Variants in DLGAP2 observed in about 807,000 individuals in gnomAD.
DLGAP2 encodes the protein DLG associated protein 2.
DLGAP2 carries 26 observed loss-of-function variants against 100.3 expected under a neutral mutation model. That is an observed-to-expected ratio of 0.26 (90% CI 0.19 to 0.36). DLGAP2 has a LOEUF of 0.36. DLGAP2 is among the 10% of genes least tolerant of loss of function. The pLI is 1.00. For synonymous variants in DLGAP2, 886 were observed against 630.1 expected (o/e 1.41, Z -6.08); for missense variants, 1,858 against 1,453.2 (o/e 1.28, Z -4.53).
chr8:1,025,956 G>A (rs1024790955), intron 2 of DLGAP2, among the ~76,000 whole-genome samples: 1 of 152,212 alleles, frequency 6.6e-6, no homozygotes, highest in African/African-American at 2.4e-5. Flanking sequence ...CACCTGGGAC[G>A]CACATCTGGG....
intron 13 of DLGAP2, among the ~76,000 whole-genome samples, chr8:1,693,627 C>G (rs780659820): frequency 1.0e-3 from 158 of 152,234 alleles, no homozygotes; most frequent in Non-Finnish European, 5.1e-4. Context: ...TCTTACACAT[C>G]AAAGGATGCA....
At chr8:956,678 C>T (rs1377677826) in intron 2 of DLGAP2, among the ~76,000 whole-genome samples, 4 of 152,214 alleles carry the variant, frequency 2.6e-5, no homozygotes, top group Non-Finnish European at 5.9e-5. Context: ...CATGTGATGG[C>T]AAAATAGCCA....
intron 3 of DLGAP2, among the ~76,000 whole-genome samples, chr8:1,387,349 A>G (rs1796243538): frequency 6.6e-6 from 1 of 152,226 alleles, no homozygotes; most frequent in African/African-American, 2.4e-5. Flanking sequence ...AAATAAAAGA[A>G]TGGAATAAGT....
intron 3 of DLGAP2, among the ~76,000 whole-genome samples, chr8:1,496,045 C>A (rs9918829): frequency 0.013 from 1,916 of 152,274 alleles, 43 homozygotes; most frequent in African/African-American, 0.044. Flanking sequence ...GAAACACAAG[C>A]CTGCCTGATA....
At chr8:771,668 T>A (rs1277615417) in intron 1 of DLGAP2, among the ~76,000 whole-genome samples, 16 of 152,236 alleles carry the variant, frequency 1.1e-4, no homozygotes, top group Admixed American at 1.0e-3. Context: ...CAGAGACGCA[T>A]TGAACACGAC....
At chr8:1,339,500 C>T (rs949235842) in intron 3 of DLGAP2, among the ~76,000 whole-genome samples, 2 of 152,190 alleles carry the variant, frequency 1.3e-5, no homozygotes, top group African/African-American at 2.4e-5. Context: ...ATTCTGGAAC[C>T]GCAGCACTGT....
intron 2 of DLGAP2, among the ~76,000 whole-genome samples, chr8:977,681 G>T: frequency 6.6e-6 from 1 of 152,066 alleles, no homozygotes; most frequent in Admixed American, 6.6e-5. Context: ...CCCTGTTATA[G>T]ACTGTTTTTT....
intron 3 of DLGAP2, among the ~76,000 whole-genome samples, chr8:1,463,236 A>G (rs6999331): frequency 0.49 from 75,045 of 152,130 alleles, 19,019 homozygotes; most frequent in East Asian, 0.84. Context: ...GTGACAGGGC[A>G]AGAATCTGTC....
chr8:1,448,712 T>C (rs1798052470), intron 3 of DLGAP2, among the ~76,000 whole-genome samples: 1 of 152,234 alleles, frequency 6.6e-6, no homozygotes, highest in Non-Finnish European at 1.5e-5. Context: ...TCTTTGCTAT[T>C]GTTTTTAAAT....
intron 2 of DLGAP2, among the ~76,000 whole-genome samples, chr8:1,018,361 G>A (rs901822604): frequency 6.6e-6 from 1 of 152,208 alleles, no homozygotes; most frequent in Admixed American, 6.5e-5. Context: ...ATGTTTTACT[G>A]GGATTCTATT....
intron 3 of DLGAP2, among the ~76,000 whole-genome samples, chr8:1,452,747 G>A (rs912831969): frequency 1.5e-4 from 23 of 152,176 alleles, no homozygotes; most frequent in Admixed American, 1.4e-3. Flanking sequence ...GGCTGGGTCA[G>A]TGGTTCTCCA....
intron 2 of DLGAP2, among the ~76,000 whole-genome samples, chr8:1,190,503 A>T (rs1444953209): frequency 6.6e-5 from 10 of 152,006 alleles, no homozygotes; most frequent in Admixed American, 3.9e-4. Flanking sequence ...GCAGCATCTC[A>T]TGCAGGAGGC....
intron 3 of DLGAP2, among the ~76,000 whole-genome samples, chr8:1,418,921 A>G (rs997078471): frequency 5.9e-5 from 9 of 152,200 alleles, no homozygotes; most frequent in African/African-American, 2.2e-4. Context: ...ATTTGCTTGA[A>G]TGGCTCACAG....
intron 2 of DLGAP2, among the ~76,000 whole-genome samples, chr8:1,126,925 G>C (rs771142056): frequency 7.9e-5 from 12 of 151,690 alleles, no homozygotes; most frequent in Non-Finnish European, 1.8e-4. Flanking sequence ...GCCCTCGCTT[G>C]TGCCGGCCTT....
chr8:1,582,025 C>A (rs1024344825), intron 6 of DLGAP2, among the ~76,000 whole-genome samples: 3 of 150,556 alleles, frequency 2.0e-5, no homozygotes, highest in African/African-American at 2.5e-5. Flanking sequence ...ACAGAAAAAA[C>A]CCCACACACG....
At chr8:918,391 G>A (rs1798639257) in intron 2 of DLGAP2, among the ~76,000 whole-genome samples, 1 of 152,212 alleles carries the variant, frequency 6.6e-6, no homozygotes, top group South Asian at 2.1e-4. Flanking sequence ...CTGACAACCT[G>A]TGTCGCTTAG....
intron 3 of DLGAP2, among the ~76,000 whole-genome samples, chr8:1,310,645 G>T (rs553489284): frequency 5.9e-5 from 9 of 151,486 alleles, no homozygotes; most frequent in South Asian, 2.1e-4. Context: ...AAAAAGTTGG[G>T]TTTTTTTTTG....
At chr8:1,597,294 G>T (rs1393430335) in intron 6 of DLGAP2, among the ~76,000 whole-genome samples, 2 of 151,958 alleles carry the variant, frequency 1.3e-5, no homozygotes, top group African/African-American at 2.4e-5. Flanking sequence ...AAGTCAGCTG[G>T]TGTTCTTTGT....
intron 2 of DLGAP2, among the ~76,000 whole-genome samples, chr8:1,039,632 A>G (rs1194743432): frequency 1.2e-4 from 6 of 48,466 alleles, no homozygotes; most frequent in Non-Finnish European, 1.1e-4. Context: ...GTGCGTGGTC[A>G]GCTCGGTGTG....
Sources: allele counts gnomAD v4.1 joint callset (sites outside exome capture counted in the v4.1 genomes callset), GRCh38; gene constraint gnomAD v4.1.1; transcripts MANE v1.5; gene names NCBI Gene and HGNC (gene_info 2026-07-23, HGNC 2026-07-21).